Variants in ULK4 observed in about 807,000 individuals in gnomAD.
ULK4 encodes the protein inactive serine/threonine-protein kinase ULK4.
ULK4 carries 133 observed loss-of-function variants against 160.6 expected under a neutral mutation model. That is an observed-to-expected ratio of 0.83 (90% CI 0.72 to 0.96). The LOEUF is 0.96. Among genes scored for constraint, ULK4 ranks in the 40% least tolerant of loss-of-function variants. The pLI is 0.00. For synonymous variants in ULK4, 534 were observed against 539.8 expected (o/e 0.99, Z 0.15); for missense variants, 1,580 against 1,499.5 (o/e 1.05, Z -0.89).
At chr3:41,658,728 T>TACACAC (rs748566253) in intron 30 of ULK4, among the ~76,000 whole-genome samples, 2,722 of 84,482 alleles carry the variant, frequency 0.032, 54 homozygotes, top group Non-Finnish European at 0.033. Context: ...TGAAAAACAG[T>TACACAC]ACACACACAC....
intron 21 of ULK4, among the ~76,000 whole-genome samples, chr3:41,770,424 T>A (rs2039313542): frequency 6.6e-6 from 1 of 152,080 alleles, no homozygotes; most frequent in African/African-American, 2.4e-5. Flanking sequence ...CTCCTTCACA[T>A]CCATAAAATA....
chr3:41,726,941 C>T (rs2037672729), intron 22 of ULK4, among the ~76,000 whole-genome samples: 1 of 152,150 alleles, frequency 6.6e-6, no homozygotes, highest in African/African-American at 2.4e-5. Flanking sequence ...AGTCACTGTG[C>T]CTAGCCAACT....
At chr3:41,370,856 T>G (rs1174410983) in intron 35 of ULK4, among the ~76,000 whole-genome samples, 1 of 152,160 alleles carries the variant, frequency 6.6e-6, no homozygotes, top group East Asian at 1.9e-4. Context: ...GCTCAGCGGA[T>G]TCTACCCCCA....
chr3:41,557,364 T>G (rs1338312444), intron 32 of ULK4, among the ~76,000 whole-genome samples: 1 of 151,938 alleles, frequency 6.6e-6, no homozygotes, highest in East Asian at 1.9e-4. Context: ...ATTATATGAC[T>G]GGGAAACTAA....
chr3:41,690,388 A>T (rs1280113599), intron 27 of ULK4, among the ~76,000 whole-genome samples: 1 of 151,470 alleles, frequency 6.6e-6, no homozygotes, highest in Non-Finnish European at 1.5e-5. Flanking sequence ...ACATGTATAC[A>T]TATGTAACTA....
At chr3:41,555,073 AAAG>A (rs1174251755) in intron 32 of ULK4, among the ~76,000 whole-genome samples, 1 of 152,160 alleles carries the variant, frequency 6.6e-6, no homozygotes. Context: ...TGACCAAGAA[AAAG>A]AAGGACAAAA....
chr3:41,754,597 T>C, intron 21 of ULK4, 109 bp from the exon 22 acceptor site: 2 of 962,356 alleles, frequency 2.1e-6, no homozygotes. Context: ...GGAAGTAAAA[T>C]AATAACTACT....
At chr3:41,748,385 G>T (rs1220395749) in intron 22 of ULK4, among the ~76,000 whole-genome samples, 1 of 151,634 alleles carries the variant, frequency 6.6e-6, no homozygotes, top group Non-Finnish European at 1.5e-5. Flanking sequence ...AACACCAAAT[G>T]CAGTTTAAGG....
intron 32 of ULK4, among the ~76,000 whole-genome samples, chr3:41,502,368 T>C (rs1178756674): frequency 6.6e-6 from 1 of 152,240 alleles, no homozygotes; most frequent in African/African-American, 2.4e-5. Context: ...TTATCTTTTA[T>C]CTTTTAAATA....
At chr3:41,617,126 A>G (rs1228259493) in intron 30 of ULK4, among the ~76,000 whole-genome samples, 1 of 152,202 alleles carries the variant, frequency 6.6e-6, no homozygotes, top group East Asian at 1.9e-4. Flanking sequence ...CAAAACCCCA[A>G]TCTCCCTGGG....
intron 32 of ULK4, among the ~76,000 whole-genome samples, chr3:41,551,922 G>A (rs10865906): frequency 0.51 from 77,433 of 151,604 alleles, 19,857 homozygotes; most frequent in Middle Eastern, 0.57. Context: ...ACTGTGACCA[G>A]GTGGGATTTA....
chr3:41,588,845 A>G (rs2031033526), intron 31 of ULK4, among the ~76,000 whole-genome samples: 1 of 152,198 alleles, frequency 6.6e-6, no homozygotes, highest in Admixed American at 6.5e-5. Flanking sequence ...AAACAAAATC[A>G]ATGAAGTACT....
intron 35 of ULK4, among the ~76,000 whole-genome samples, chr3:41,289,675 T>C (rs1394248629): frequency 4.6e-5 from 7 of 152,154 alleles, no homozygotes; most frequent in Admixed American, 2.6e-4. Context: ...TCGGGGCCTA[T>C]TCATCCAACA....
At chr3:41,492,142 T>C (rs2084796640) in intron 32 of ULK4, among the ~76,000 whole-genome samples, 1 of 150,450 alleles carries the variant, frequency 6.6e-6, no homozygotes, top group African/African-American at 2.4e-5. Context: ...TGTTGGACAT[T>C]TGGGTCGGGT....
chr3:41,380,808 C>T (rs1160829516), intron 35 of ULK4, among the ~76,000 whole-genome samples: 1 of 152,160 alleles, frequency 6.6e-6, no homozygotes, highest in Non-Finnish European at 1.5e-5. Context: ...ATTCACTGTG[C>T]CCTTTGGACA....
At chr3:41,404,322 T>C (rs904344112) in intron 34 of ULK4, among the ~76,000 whole-genome samples, 1 of 152,030 alleles carries the variant, frequency 6.6e-6, no homozygotes, top group African/African-American at 2.4e-5. Context: ...ATAGATCTTT[T>C]AATCATTAGG....
At chr3:41,370,469 C>A (rs934548314) in intron 35 of ULK4, among the ~76,000 whole-genome samples, 1 of 152,120 alleles carries the variant, frequency 6.6e-6, no homozygotes, top group African/African-American at 2.4e-5. Flanking sequence ...CTCACTGGGA[C>A]TGGTTAACTG....
At chr3:41,840,951 CGTCTGGG>C (rs2041901948) in intron 17 of ULK4, among the ~76,000 whole-genome samples, 1 of 150,038 alleles carries the variant, frequency 6.7e-6, no homozygotes, top group African/African-American at 2.5e-5. Context: ...CCGGCCACCC[CGTCTGGG>C]AAGTGAGGAG....
chr3:41,637,376 T>G (rs1170566678), intron 30 of ULK4, among the ~76,000 whole-genome samples: 1 of 152,244 alleles, frequency 6.6e-6, no homozygotes, highest in African/African-American at 2.4e-5. Flanking sequence ...CAGGATTTCT[T>G]TGTTTTTTAA....
Sources: allele counts gnomAD v4.1 joint callset (sites outside exome capture counted in the v4.1 genomes callset), GRCh38; gene constraint gnomAD v4.1.1; transcripts MANE v1.5; gene names NCBI Gene and HGNC (gene_info 2026-07-23, HGNC 2026-07-21).